Variants in CELF4 observed in about 807,000 individuals in gnomAD.
The protein encoded by CELF4 is CUG-BP- and ETR-3-like factor 4.
Under a neutral mutation model 59.9 loss-of-function variants are expected in CELF4, and 18 were observed. The observed-to-expected ratio is 0.30, with a 90% CI of 0.21 to 0.45. The LOEUF is 0.45. Among genes scored for constraint, CELF4 ranks in the 20% least tolerant of loss-of-function variants. The pLI, the probability that CELF4 is intolerant of heterozygous loss-of-function variation, is 1.00. For synonymous variants in CELF4, 261 were observed against 267.1 expected (o/e 0.98, Z 0.22); for missense variants, 456 against 689.0 (o/e 0.66, Z 3.79).
intron 2 of CELF4, among the ~76,000 whole-genome samples, chr18:37,452,480 C>T (rs1603641557): frequency 6.6e-6 from 1 of 152,106 alleles, no homozygotes; most frequent in African/African-American, 2.4e-5. Context: ...CCTGGGCTGT[C>T]AGACGCCAGC....
At chr18:37,501,572 G>A (rs1219294748) in intron 1 of CELF4, among the ~76,000 whole-genome samples, 1 of 152,236 alleles carries the variant, frequency 6.6e-6, no homozygotes, top group Non-Finnish European at 1.5e-5. Flanking sequence ...GGGACAGAGG[G>A]ATATGGAGGA....
At chr18:37,262,456 G>C (rs1055554956) in intron 10 of CELF4, among the ~76,000 whole-genome samples, 1 of 152,172 alleles carries the variant, frequency 6.6e-6, no homozygotes, top group Non-Finnish European at 1.5e-5. Context: ...GGAATGAGGA[G>C]GAGTTCAGAG....
chr18:37,374,367 T>A (rs2098940378), intron 2 of CELF4, among the ~76,000 whole-genome samples: 1 of 152,142 alleles, frequency 6.6e-6, no homozygotes, highest in Admixed American at 6.5e-5. Flanking sequence ...GCAGCTCATC[T>A]CCACTCTGAC....
intron 10 of CELF4, among the ~76,000 whole-genome samples, chr18:37,263,687 C>G (rs2076034490): frequency 6.6e-6 from 1 of 152,094 alleles, no homozygotes; most frequent in South Asian, 2.1e-4. Flanking sequence ...AGATCCCTGG[C>G]ATCTGACCCA....
intron 2 of CELF4, among the ~76,000 whole-genome samples, chr18:37,350,614 C>A (rs1400148548): frequency 1.3e-5 from 2 of 152,168 alleles, no homozygotes; most frequent in Non-Finnish European, 2.9e-5. Flanking sequence ...GGTGGGGTTG[C>A]TCTGTTTTAC....
In CELF4 at chr18:37,388,784, A is replaced by G. The variant is rs140720746; in HGVS notation, c.370-66903T>C. 2.6e-3 allele frequency among the ~76,000 whole-genome samples: 391 copies of G among 152,234 alleles called. 3 individuals are homozygous for G. Among genetic ancestry groups the G allele is most frequent in the African/African-American group, 8.9e-3 (369 of 41,538 alleles). On this transcript the variant is annotated intron_variant, in intron 2 of 12. Coordinates refer to ENST00000420428, the MANE Select transcript of CELF4 (RefSeq NM_020180.4). ...GGATGCCTCCCGAGCATGCCCTTCCAGTCTAAGCCCCGACACCCTCTGCTT... is the reference window on the plus strand; with the variant it reads ...GGATGCCTCCCGAGCATGCCCTTCCGGTCTAAGCCCCGACACCCTCTGCTT...
rs756621031 is a variant in CELF4 at position 37,364,280 on chromosome 18, C to A, written c.370-42399G>T. On this transcript the variant is annotated intron_variant, in intron 2 of 12. Transcript: ENST00000420428. ...CCAGCTTCTTTACAGACATAATGTTCTTGGTTTTTGCTGTTTCTCAACCCA... is the reference window on the plus strand; with the variant it reads ...CCAGCTTCTTTACAGACATAATGTTATTGGTTTTTGCTGTTTCTCAACCCA... Among the ~76,000 whole-genome samples, 6 of 152,220 alleles carry A rather than the reference C, an allele frequency of 3.9e-5. No homozygotes were observed. In the South Asian group the frequency reaches 1.2e-3, roughly 31 times the overall value.
At chr18:37,314,595 A>G (rs1427771072) in intron 3 of CELF4, among the ~76,000 whole-genome samples, 1 of 152,170 alleles carries the variant, frequency 6.6e-6, no homozygotes, top group Non-Finnish European at 1.5e-5. Context: ...GGAACATAAA[A>G]GATGTTCATT....
chr18:37,425,757 T>C (rs1333475542), intron 2 of CELF4, among the ~76,000 whole-genome samples: 4 of 152,240 alleles, frequency 2.6e-5, no homozygotes, highest in South Asian at 4.1e-4. Context: ...CTGCAGAAAC[T>C]ACAGCTGCTT....
intron 2 of CELF4, among the ~76,000 whole-genome samples, chr18:37,374,287 C>T (rs897836426): frequency 5.9e-5 from 9 of 152,206 alleles, no homozygotes; most frequent in Non-Finnish European, 8.8e-5. Flanking sequence ...CTGCACCCAG[C>T]GAGTTTGGGG....
At chr18:37,345,842 T>C (rs2098236254) in intron 2 of CELF4, among the ~76,000 whole-genome samples, 1 of 152,080 alleles carries the variant, frequency 6.6e-6, no homozygotes, top group African/African-American at 2.4e-5. Flanking sequence ...CTCTCCTGCA[T>C]ACCTTAGCAC....
At chr18:37,337,198 T>G (rs999523185) in intron 2 of CELF4, among the ~76,000 whole-genome samples, 1 of 152,158 alleles carries the variant, frequency 6.6e-6, no homozygotes, top group Non-Finnish European at 1.5e-5. Context: ...GCTAACGGTG[T>G]GGGCCCAACT....
At chr18:37,314,887 G>GGAGA (rs1299912617) in intron 3 of CELF4, among the ~76,000 whole-genome samples, 1 of 152,264 alleles carries the variant, frequency 6.6e-6, no homozygotes, top group East Asian at 1.9e-4. Flanking sequence ...CATTGACCAG[G>GGAGA]GAGAGACTCG....
At chr18:37,334,727 G>T (rs1038827673) in intron 2 of CELF4, among the ~76,000 whole-genome samples, 5 of 151,910 alleles carry the variant, frequency 3.3e-5, no homozygotes, top group East Asian at 1.9e-4. Context: ...CCCTGACCCG[G>T]GGGGGACAGC....
intron 2 of CELF4, among the ~76,000 whole-genome samples, chr18:37,362,877 G>A (rs1359966773): frequency 6.6e-6 from 1 of 152,206 alleles, no homozygotes; most frequent in Non-Finnish European, 1.5e-5. Context: ...CAGGTGGTCA[G>A]GTGTTGGTTC....
At chr18:37,468,524 C>T (rs1349748668) in intron 2 of CELF4, among the ~76,000 whole-genome samples, 1 of 152,090 alleles carries the variant, frequency 6.6e-6, no homozygotes, top group Non-Finnish European at 1.5e-5. Context: ...CCTATATCTG[C>T]CAAGGCTGTT....
intron 5 of CELF4, 74 bp downstream of exon 5, chr18:37,274,731 C>T (rs770959900): frequency 6.6e-7 from 1 of 1,524,008 alleles, no homozygotes; most frequent in Non-Finnish European, 8.8e-7. Context: ...ACTGGACAGC[C>T]GGCGGGGCGT....
At chr18:37,532,642 A>AG (rs1295086627) in intron 1 of CELF4, among the ~76,000 whole-genome samples, 1 of 152,238 alleles carries the variant, frequency 6.6e-6, no homozygotes, top group Non-Finnish European at 1.5e-5. Flanking sequence ...ATTAAAAAAA[A>AG]AAAAGGTCAG....
chr18:37,320,597 G>A (rs1357132130), intron 3 of CELF4, among the ~76,000 whole-genome samples: 2 of 152,182 alleles, frequency 1.3e-5, no homozygotes, highest in East Asian at 3.9e-4. Context: ...GCCCTAGATG[G>A]TGGAGAGGAC....
Sources: gnomAD v4.1 joint callset for allele counts (sites outside exome capture counted in the v4.1 genomes callset) on GRCh38, gnomAD v4.1.1 for gene constraint, MANE v1.5 for transcripts, NCBI Gene and HGNC (gene_info 2026-07-23, HGNC 2026-07-21) for gene names.